The following SLC25A17 variants were observed in gnomAD, a reference collection of about 807,000 sequenced individuals.
The protein encoded by SLC25A17 is solute carrier family 25 member 17.
SLC25A17 carries 26 observed loss-of-function variants against 38.5 expected under a neutral mutation model. That is an observed-to-expected ratio of 0.68 (90% CI 0.50 to 0.94). SLC25A17 has a LOEUF of 0.94. Among genes scored for constraint, SLC25A17 ranks in the 40% least tolerant of loss-of-function variants. The probability of loss-of-function intolerance (pLI) is 0.00; values close to 1 mark genes in which losing one functional copy is unlikely to be tolerated. For synonymous variants in SLC25A17, 139 were observed against 136.2 expected (o/e 1.02, Z -0.14); for missense variants, 333 against 372.7 (o/e 0.89, Z 0.88).
At chr22:40,781,502 C>T (rs962620808) in intron 4 of SLC25A17, among the ~76,000 whole-genome samples, 2 of 152,122 alleles carry the variant, frequency 1.3e-5, no homozygotes, top group African/African-American at 4.8e-5. Context: ...GCCTCGGCCT[C>T]TCAAAGTGCT....
chr22:40,775,959 G>A (rs934437509), intron 7 of SLC25A17, among the ~76,000 whole-genome samples: 2 of 152,146 alleles, frequency 1.3e-5, no homozygotes, highest in African/African-American at 4.8e-5. Flanking sequence ...AGCAGCATGA[G>A]AATGGACTAA....
chr22:40,774,190 T>C (rs1427154039), intron 7 of SLC25A17, among the ~76,000 whole-genome samples, 171 bp from the exon 8 acceptor site: 1 of 152,138 alleles, frequency 6.6e-6, no homozygotes, highest in African/African-American at 2.4e-5. Flanking sequence ...GAGTGAAATA[T>C]TTCAATCAAA....
At chr22:40,783,902 C>T (rs891737436) in intron 4 of SLC25A17, among the ~76,000 whole-genome samples, 4 of 152,196 alleles carry the variant, frequency 2.6e-5, no homozygotes, top group Admixed American at 2.0e-4. Flanking sequence ...CAGGGGGTTT[C>T]GCCATGTTGG....
chr22:40,786,658 T>C (rs1399232140), intron 4 of SLC25A17, among the ~76,000 whole-genome samples: 5 of 152,246 alleles, frequency 3.3e-5, no homozygotes, highest in Non-Finnish European at 7.3e-5. Flanking sequence ...ACTACCCTCT[T>C]CTTTTTCCCC....
At chr22:40,814,790 T>TA (rs56313372) in intron 1 of SLC25A17, among the ~76,000 whole-genome samples, 96 of 118,984 alleles carry the variant, frequency 8.1e-4, no homozygotes, top group African/African-American at 2.0e-3. Context: ...TATATATATA[T>TA]TGTTGTTGTT....
chr22:40,808,455 T>C (rs183539724), intron 1 of SLC25A17, among the ~76,000 whole-genome samples: 102 of 152,352 alleles, frequency 6.7e-4, no homozygotes, highest in Non-Finnish European at 1.3e-3. Flanking sequence ...ATTGTTCTCC[T>C]ACAGAAGTTC....
chr22:40,811,137 C>T (rs2057576942), intron 1 of SLC25A17, among the ~76,000 whole-genome samples: 1 of 152,090 alleles, frequency 6.6e-6, no homozygotes, highest in Non-Finnish European at 1.5e-5. Context: ...TGCCATGTTG[C>T]CCAGGCTGGT....
At chr22:40,793,146 T>G (rs77935716) in intron 3 of SLC25A17, among the ~76,000 whole-genome samples, 273 of 151,776 alleles carry the variant, frequency 1.8e-3, no homozygotes, top group African/African-American at 6.4e-3. Flanking sequence ...ACCAAAATAA[T>G]GAAGTACAGT....
At chr22:40,777,174 C>G (rs1210853523) in intron 6 of SLC25A17, 39 bp from the exon 7 acceptor site, 1 of 1,613,650 alleles carries the variant, frequency 6.2e-7, no homozygotes, top group Admixed American at 1.7e-5. Context: ...TCAATCAAGT[C>G]AACAAGAAGG....
At chr22:40,801,222 G>C (rs534253368) in intron 1 of SLC25A17, among the ~76,000 whole-genome samples, 53 of 140,868 alleles carry the variant, frequency 3.8e-4, no homozygotes, top group African/African-American at 1.4e-3. Context: ...AATTTGGTAG[G>C]CCTATTATCA....
chr22:40,787,101 C>G (rs373583867), intron 4 of SLC25A17, among the ~76,000 whole-genome samples: 1 of 152,136 alleles, frequency 6.6e-6, no homozygotes, highest in South Asian at 2.1e-4. Flanking sequence ...ATAGAAAGGG[C>G]ACCTAACCCA....
chr22:40,777,503 G>A (rs2057256983), intron 5 of SLC25A17, 130 bp from the exon 6 acceptor site: 2 of 1,120,462 alleles, frequency 1.8e-6, no homozygotes, highest in Non-Finnish European at 2.5e-6. Context: ...CCTTCTTGCA[G>A]CCGGTTGCAA....
At chr22:40,781,447 G>A (rs887486537) in intron 4 of SLC25A17, among the ~76,000 whole-genome samples, 1 of 151,946 alleles carries the variant, frequency 6.6e-6, no homozygotes, top group East Asian at 1.9e-4. Context: ...GGGTTTCACC[G>A]TGTTAGCCAG....
intron 2 of SLC25A17, chr22:40,797,280 T>C (rs1479497496): frequency 7.8e-7 from 1 of 1,278,250 alleles, no homozygotes; most frequent in Non-Finnish European, 1.0e-6. Flanking sequence ...AAAGCTAATC[T>C]TACTCATCTC....
At chr22:40,816,469 T>C (rs1184519565) in intron 1 of SLC25A17, among the ~76,000 whole-genome samples, 1 of 152,196 alleles carries the variant, frequency 6.6e-6, no homozygotes, top group East Asian at 1.9e-4. Flanking sequence ...GTTGGGTAGC[T>C]GTGACAACGG....
chr22:40,812,592 A>G (rs1312867803), intron 1 of SLC25A17, among the ~76,000 whole-genome samples: 1 of 152,196 alleles, frequency 6.6e-6, no homozygotes, highest in Non-Finnish European at 1.5e-5. Flanking sequence ...GTGGGGGTAA[A>G]AAAGACAATG....
chr22:40,805,366 T>A (rs2057520994), intron 1 of SLC25A17, among the ~76,000 whole-genome samples: 1 of 152,188 alleles, frequency 6.6e-6, no homozygotes, highest in Non-Finnish European at 1.5e-5. Context: ...CAAAAAAAGA[T>A]AGCAGAGGAA....
intron 1 of SLC25A17, among the ~76,000 whole-genome samples, chr22:40,818,475 A>G (rs1009408730): frequency 2.0e-5 from 3 of 152,166 alleles, no homozygotes; most frequent in Admixed American, 6.5e-5. Context: ...TTAGGACGCC[A>G]AATCGAGAGG....
At chr22:40,804,888 T>C (rs966737120) in intron 1 of SLC25A17, among the ~76,000 whole-genome samples, 6 of 151,604 alleles carry the variant, frequency 4.0e-5, no homozygotes, top group Admixed American at 2.6e-4. Context: ...GGCAGGTGGA[T>C]CACTTAAGCC....
Sources: gnomAD v4.1 joint callset for allele counts (sites outside exome capture counted in the v4.1 genomes callset) on GRCh38, gnomAD v4.1.1 for gene constraint, MANE v1.5 for transcripts, NCBI Gene and HGNC (gene_info 2026-07-23, HGNC 2026-07-21) for gene names.